Variants in PATJ observed in about 807,000 individuals in gnomAD.
The protein encoded by PATJ is PATJ crumbs cell polarity complex component.
A neutral mutation model predicts 224.9 loss-of-function variants in PATJ; 190 were observed. That is an observed-to-expected ratio of 0.84 (90% CI 0.75 to 0.95). The LOEUF (loss-of-function observed/expected upper bound fraction) is 0.95. Ranked by LOEUF, PATJ falls within the 40% of genes least tolerant of loss-of-function variation. The pLI is 0.00. For missense variants in PATJ, 2,121 were observed against 2,270.3 expected (o/e 0.93, Z 1.34); for synonymous variants, 769 against 820.3 (o/e 0.94, Z 1.07).
intron 30 of PATJ, among the ~76,000 whole-genome samples, chr1:62,048,545 CAAAAAAA>C (rs773157635): frequency 4.7e-4 from 31 of 66,196 alleles, no homozygotes; most frequent in Middle Eastern, 0.012. Flanking sequence ...GACTCTGTCT[CAAAAAAA>C]AAAAAAAAAA....
At chr1:61,837,376 C>G (rs1294697165) in intron 17 of PATJ, among the ~76,000 whole-genome samples, 1 of 152,122 alleles carries the variant, frequency 6.6e-6, no homozygotes, top group Admixed American at 6.6e-5. Flanking sequence ...TTAGTGAAGT[C>G]TAAATTTAAT....
chr1:61,771,420 A>C lies in PATJ; in HGVS notation c.525-11A>C, dbSNP rs1216548944. Reference sequence around the variant, plus strand: ...GATCACTTAAAAAATTTCTTTTCTTACATGATTAAGGGATCAAAGATTAAA... The same window carrying C: ...GATCACTTAAAAAATTTCTTTTCTTCCATGATTAAGGGATCAAAGATTAAA... On this transcript the variant is annotated splice_polypyrimidine_tract_variant and intron_variant, in intron 5 of 43. Coordinates refer to ENST00000642238, the MANE Select transcript of PATJ (RefSeq NM_001350145.3). 3 of 1,531,552 alleles carry C rather than the reference A, an allele frequency of 2.0e-6. No individual in the cohort carries two copies. The highest frequency in any genetic ancestry group is 2.6e-6 in the Non-Finnish European group (3 of 1,141,728). The allele number at this position is 1,531,552 out of a possible 1,614,324, so 94.9% of individuals were successfully genotyped here. A position where few individuals can be genotyped will look rare whatever the true frequency, so the allele number is the denominator to read the frequency against.
intron 28 of PATJ, among the ~76,000 whole-genome samples, chr1:62,004,944 A>G (rs1001152425): frequency 1.3e-5 from 2 of 152,180 alleles, no homozygotes; most frequent in African/African-American, 4.8e-5. Context: ...TTCACTCTGC[A>G]TGCAGTGTTT....
chr1:61,847,015 C>T (rs1483970424), intron 17 of PATJ, among the ~76,000 whole-genome samples: 1 of 152,150 alleles, frequency 6.6e-6, no homozygotes, highest in Non-Finnish European at 1.5e-5. Flanking sequence ...GTTTTGTTTT[C>T]CTTACAACTA....
chr1:61,812,223 T>C (rs913648835), intron 14 of PATJ, among the ~76,000 whole-genome samples: 6 of 152,152 alleles, frequency 3.9e-5, no homozygotes, highest in Non-Finnish European at 8.8e-5. Context: ...TTTGTTTGGG[T>C]ATATCTCTTG....
chr1:61,867,759 G>A (rs924459356), intron 20 of PATJ, among the ~76,000 whole-genome samples: 2 of 152,136 alleles, frequency 1.3e-5, no homozygotes, highest in South Asian at 4.1e-4. Flanking sequence ...CTTCCACAGT[G>A]AGGAACACTT....
chr1:61,754,959 G>T (rs1645548569), intron 1 of PATJ, among the ~76,000 whole-genome samples: 1 of 151,934 alleles, frequency 6.6e-6, no homozygotes, highest in African/African-American at 2.4e-5. Flanking sequence ...CTTACCAAGG[G>T]ATACTCCAGA....
At chr1:61,976,362 T>C (rs963407208) in intron 27 of PATJ, among the ~76,000 whole-genome samples, 1 of 152,106 alleles carries the variant, frequency 6.6e-6, no homozygotes, top group Admixed American at 6.5e-5. Flanking sequence ...ATCTGTAAGA[T>C]GGGATGGTTA....
intron 26 of PATJ, among the ~76,000 whole-genome samples, chr1:61,925,729 C>T (rs948408354): frequency 1.3e-5 from 2 of 152,080 alleles, no homozygotes; most frequent in East Asian, 1.9e-4. Flanking sequence ...GAAAATTATG[C>T]AAAATGTGCA....
chr1:61,816,678 C>T lies in PATJ; in HGVS notation c.1684-6267C>T, dbSNP rs748078713. 4.6e-5 allele frequency among the ~76,000 whole-genome samples: 7 copies of T among 152,172 alleles called. No individual in the cohort carries two copies. In the East Asian group the frequency reaches 1.3e-3, roughly 29 times the overall value. On this transcript the variant is annotated intron_variant, in intron 14 of 43. Transcript: ENST00000642238. ...TTAAAAGGTATAGAAATATGTACTG[C>T]AAAAGGTGATTTTTTTCTCCCACCC...
Position 61,797,335 on chromosome 1 carries a change from G to A in PATJ, c.1309G>A (p.Val437Ile), listed in dbSNP as rs763566778. The A allele has an allele frequency of 3.1e-6, 5 of 1,614,082 alleles. No homozygotes were observed. The highest frequency in any genetic ancestry group is 4.2e-6 in the Non-Finnish European group (5 of 1,179,908). The part of the protein sequence containing the change: ...QGFANHDVVE[V>I]LRNAGQVVHL... ...TTTTGCCAACCATGATGTTGTTGAA[G>A]TATTACGAAATGCAGGGCAGGTGGT... is the stretch of plus-strand genomic sequence containing the variant. The change falls in exon 11 of 44, where the codon GTA becomes ATA. Residue 437 changes from valine to isoleucine, a missense_variant. By Grantham distance (29) the Val-to-Ile change is conservative. Coordinates refer to ENST00000642238, the MANE Select transcript of PATJ (RefSeq NM_001350145.3).
At chr1:61,902,136 G>T (rs913870911) in intron 24 of PATJ, among the ~76,000 whole-genome samples, 1 of 151,742 alleles carries the variant, frequency 6.6e-6, no homozygotes, top group Non-Finnish European at 1.5e-5. Context: ...CAGGAGAATC[G>T]CTGGAACCCT....
At chr1:62,147,619 T>C (rs1461733945) in intron 41 of PATJ, among the ~76,000 whole-genome samples, 1 of 151,826 alleles carries the variant, frequency 6.6e-6, no homozygotes, top group African/African-American at 2.4e-5. Context: ...GCCAACATGG[T>C]GAAACCCCGC....
chr1:62,076,065 C>A (rs1158224944), intron 31 of PATJ, among the ~76,000 whole-genome samples: 2 of 152,052 alleles, frequency 1.3e-5, no homozygotes, highest in African/African-American at 4.8e-5. Flanking sequence ...AATGCTAGGA[C>A]CCCCATCCCA....
intron 31 of PATJ, among the ~76,000 whole-genome samples, chr1:62,055,675 C>T (rs1262801810): frequency 6.6e-6 from 1 of 152,196 alleles, no homozygotes; most frequent in Non-Finnish European, 1.5e-5. Context: ...ATAGAAGGAA[C>T]AACTATTCCA....
chr1:61,886,792 C>T (rs1409526695), intron 22 of PATJ, among the ~76,000 whole-genome samples: 1 of 92,186 alleles, frequency 1.1e-5, no homozygotes, highest in African/African-American at 3.7e-5. Context: ...TGCACTCCAG[C>T]CTGGGCAACA....
chr1:61,818,815 T>C lies in PATJ; in HGVS notation c.1684-4130T>C, dbSNP rs897383901. Among the ~76,000 whole-genome samples, 9 of 152,310 alleles carry C rather than the reference T, an allele frequency of 5.9e-5. No homozygotes were observed. In the Middle Eastern group the frequency reaches 0.01, roughly 173 times the overall value. ...GCACGAGATGACATGGGTGAGCCTC[T>C]GCGAATCCTGACTCCAGCTGTTCCA... On this transcript the variant is annotated intron_variant, in intron 14 of 43. Transcript: ENST00000642238.
At chr1:61,756,482 C>T (rs1645644684) in intron 1 of PATJ, among the ~76,000 whole-genome samples, 2 of 151,888 alleles carry the variant, frequency 1.3e-5, no homozygotes, top group African/African-American at 4.8e-5. Context: ...TTTTAACAAG[C>T]CCTACAGGTG....
intron 19 of PATJ, among the ~76,000 whole-genome samples, chr1:61,863,975 T>C (rs1308566552): frequency 6.6e-6 from 1 of 152,246 alleles, no homozygotes; most frequent in Non-Finnish European, 1.5e-5. Flanking sequence ...AGGTGGTTAA[T>C]GTATAATGAA....
Sources: allele counts gnomAD v4.1 joint callset (sites outside exome capture counted in the v4.1 genomes callset), GRCh38; gene constraint gnomAD v4.1.1; transcripts MANE v1.5; gene names NCBI Gene and HGNC (gene_info 2026-07-23, HGNC 2026-07-21).